DPP6: variants seen among roughly 807,000 people sequenced by gnomAD.
DPP6 encodes the protein dipeptidyl peptidase like 6.
In DPP6, 69 loss-of-function variants were observed where a neutral mutation model predicts 122.6. The observed-to-expected ratio is 0.56, with a 90% CI of 0.46 to 0.69. The LOEUF (loss-of-function observed/expected upper bound fraction) is 0.69. Ranked by LOEUF, DPP6 falls within the 30% of genes least tolerant of loss-of-function variation. The probability of loss-of-function intolerance (pLI) is 0.00; values close to 1 mark genes in which losing one functional copy is unlikely to be tolerated. For synonymous variants in DPP6, 418 were observed against 433.1 expected, an observed-to-expected ratio of 0.97 and a Z score of 0.43; for missense variants, 928 against 1,116.9, an observed-to-expected ratio of 0.83 and a Z score of 2.41.
At chr7:153,955,550 T>C (rs1215498143) in intron 1 of DPP6, among the ~76,000 whole-genome samples, 2 of 152,152 alleles carry the variant, frequency 1.3e-5, no homozygotes, top group Non-Finnish European at 2.9e-5. Flanking sequence ...GCAATTCTCC[T>C]GCCTCAGCCT....
At chr7:154,249,941 G>C (rs1278683149) in intron 1 of DPP6, among the ~76,000 whole-genome samples, 1 of 152,162 alleles carries the variant, frequency 6.6e-6, no homozygotes, top group South Asian at 2.1e-4. Context: ...TCCACAGGCA[G>C]ACAGCCTGGT....
At chr7:153,800,690 T>C in the DPP6 span, among the ~76,000 whole-genome samples, 3 of 152,192 alleles carry the variant, frequency 2.0e-5, no homozygotes, top group East Asian at 5.8e-4. Flanking sequence ...CTAATTTTTG[T>C]ATTTTTAGTA....
intron 1 of DPP6, among the ~76,000 whole-genome samples, chr7:154,264,051 A>T (rs1803208134): frequency 6.6e-6 from 1 of 152,158 alleles, no homozygotes; most frequent in South Asian, 2.1e-4. Flanking sequence ...CACTATAAAG[A>T]AAATAACTTA....
At chr7:154,873,502 G>A (rs531885275) in intron 19 of DPP6, among the ~76,000 whole-genome samples, 1 of 152,298 alleles carries the variant, frequency 6.6e-6, no homozygotes, top group East Asian at 1.9e-4. Context: ...GGATGCCAGT[G>A]CAACTACCCC....
At chr7:153,992,038 C>T (rs552601777) in intron 1 of DPP6, among the ~76,000 whole-genome samples, 10 of 152,178 alleles carry the variant, frequency 6.6e-5, no homozygotes, top group Non-Finnish European at 1.5e-4. Flanking sequence ...CGAACCTTCT[C>T]CTGCAACCCC....
At chr7:154,813,462 A>G (rs1306249233) in intron 16 of DPP6, among the ~76,000 whole-genome samples, 3 of 152,122 alleles carry the variant, frequency 2.0e-5, no homozygotes, top group East Asian at 1.9e-4. Flanking sequence ...AATATATTCG[A>G]ATACAATATA....
intron 1 of DPP6, among the ~76,000 whole-genome samples, chr7:154,341,453 C>T (rs555009288): frequency 6.6e-6 from 1 of 151,994 alleles, no homozygotes; most frequent in South Asian, 2.1e-4. Flanking sequence ...ACTCTGTAGT[C>T]GCAGATCTGA....
intron 1 of DPP6, among the ~76,000 whole-genome samples, chr7:154,336,651 C>T (rs1809452420): frequency 6.6e-6 from 1 of 152,154 alleles, no homozygotes; most frequent in Non-Finnish European, 1.5e-5. Flanking sequence ...ACTGCCAAGA[C>T]CATTCAGAGT....
intron 5 of DPP6, among the ~76,000 whole-genome samples, chr7:154,622,365 G>T (rs558598463): frequency 1.3e-5 from 2 of 152,296 alleles, no homozygotes; most frequent in East Asian, 3.9e-4. Context: ...GAAATAGGTG[G>T]AGGCCCAATT....
chr7:154,566,426 C>A (rs1226038731), intron 4 of DPP6, among the ~76,000 whole-genome samples: 1 of 152,096 alleles, frequency 6.6e-6, no homozygotes, highest in Non-Finnish European at 1.5e-5. Flanking sequence ...GGTCTACAGG[C>A]ATGCACTACC....
intron 1 of DPP6, among the ~76,000 whole-genome samples, chr7:153,947,616 C>T (rs753646230): frequency 6.0e-4 from 92 of 152,214 alleles, no homozygotes; most frequent in Non-Finnish European, 1.0e-3. Context: ...CAGTGGGGAC[C>T]CGAAGAGACA....
At chr7:154,602,701 G>C (rs1431679805) in intron 5 of DPP6, among the ~76,000 whole-genome samples, 1 of 118,492 alleles carries the variant, frequency 8.4e-6, no homozygotes, top group Non-Finnish European at 1.9e-5. Context: ...AAAGTTTTGG[G>C]ATTAGAGGTG....
intron 4 of DPP6, among the ~76,000 whole-genome samples, chr7:154,561,578 A>AG (rs1384498228): frequency 6.6e-6 from 1 of 152,264 alleles, no homozygotes. Context: ...TATGCAACAA[A>AG]GCAATACTTA....
At chr7:154,287,215 C>T (rs1323901834) in intron 1 of DPP6, among the ~76,000 whole-genome samples, 1 of 152,216 alleles carries the variant, frequency 6.6e-6, no homozygotes, top group Non-Finnish European at 1.5e-5. Context: ...TGCAAGCTCA[C>T]TTAGAAGGGG....
intron 1 of DPP6, among the ~76,000 whole-genome samples, chr7:154,022,454 A>G (rs192433488): frequency 6.6e-6 from 1 of 152,346 alleles, no homozygotes; most frequent in African/African-American, 2.4e-5. Context: ...AGAATGTGAA[A>G]GATGTGAAGC....
At chr7:153,880,995 A>G in the DPP6 span, among the ~76,000 whole-genome samples, 6 of 152,228 alleles carry the variant, frequency 3.9e-5, no homozygotes, top group South Asian at 1.0e-3. Context: ...TCTTGGATAC[A>G]TGCTTCATTA....
In DPP6 at chr7:154,486,565, A is replaced by G. The variant is rs1355028210; in HGVS notation, c.457+11528A>G. ...GCTTCAGAAAGTCTCATTAATCCTC[A>G]TGGCTTGACCCAAAATACATTCTCT... On this transcript the variant is annotated intron_variant, in intron 3 of 25. Coordinates refer to ENST00000377770, the MANE Select transcript of DPP6 (RefSeq NM_130797.4). This position sits in a 1 kb window ranked among gnomAD's most constrained non-coding sequence, Gnocchi z 4.5. Among the ~76,000 whole-genome samples the G allele has an allele frequency of 4.6e-5, 7 of 152,162 alleles. No homozygotes were observed. The highest frequency in any genetic ancestry group is 1.0e-4 in the Non-Finnish European group (7 of 68,026).
chr7:154,194,126 T>G (rs1003831903), intron 1 of DPP6, among the ~76,000 whole-genome samples: 3 of 152,206 alleles, frequency 2.0e-5, no homozygotes, highest in Admixed American at 6.5e-5. Flanking sequence ...TTATTTTTCC[T>G]TAAGTGTTTG....
chr7:154,829,260 A>G (rs1800431862), intron 16 of DPP6, among the ~76,000 whole-genome samples: 2 of 151,794 alleles, frequency 1.3e-5, no homozygotes, highest in African/African-American at 2.4e-5. Context: ...TCATGCACCC[A>G]TAGTCCCAGC....
Sources: gnomAD v4.1 joint callset for allele counts (sites outside exome capture counted in the v4.1 genomes callset) on GRCh38, gnomAD v4.1.1 for gene constraint, Gnocchi (gnomAD v3.1) non-coding constraint, MANE v1.5 for transcripts, NCBI Gene and HGNC (gene_info 2026-07-23, HGNC 2026-07-21) for gene names.